The following SPTBN4 variants were observed in gnomAD, a reference collection of about 807,000 sequenced individuals.
The protein encoded by SPTBN4 is spectrin beta chain, non-erythrocytic 4.
Under a neutral mutation model 277.8 loss-of-function variants are expected in SPTBN4, and 96 were observed. The ratio of observed to expected loss-of-function variants is 0.35; its 90% confidence interval spans 0.29 to 0.41. The LOEUF is 0.41. SPTBN4 is among the 10% of genes least tolerant of loss of function. The pLI, the probability that SPTBN4 is intolerant of heterozygous loss-of-function variation, is 1.00. For synonymous variants in SPTBN4, 1,481 were observed against 1,580.3 expected (o/e 0.94, Z 1.49); for missense variants, 3,006 against 3,595.7 (o/e 0.84, Z 4.19).
chr19:40,512,147 AAG>A (rs2080398071), intron 13 of SPTBN4, among the ~76,000 whole-genome samples: 1 of 152,302 alleles, frequency 6.6e-6, no homozygotes, highest in Admixed American at 6.5e-5. Context: ...ACAAAAAACA[AAG>A]AAGTTTCATT....
At chr19:40,529,010 CT>C (rs2080628817) in intron 17 of SPTBN4, 30 bp from the exon 18 acceptor site, 1 of 1,598,440 alleles carries the variant, frequency 6.3e-7, no homozygotes, top group East Asian at 2.2e-5. Flanking sequence ...AACCCGGGGC[CT>C]TTCCCCAGCC....
At chr19:40,565,126 G>C (rs376769810) in intron 27 of SPTBN4, among the ~76,000 whole-genome samples, 1 of 151,726 alleles carries the variant, frequency 6.6e-6, no homozygotes, top group South Asian at 2.1e-4. Context: ...TTATCTGGGC[G>C]TGGTGGCAGG....
At chr19:40,536,002 T>A (rs2080731176) in intron 20 of SPTBN4, among the ~76,000 whole-genome samples, 1 of 152,094 alleles carries the variant, frequency 6.6e-6, no homozygotes, top group Admixed American at 6.6e-5. Flanking sequence ...ACCTACTATG[T>A]GCCCGGCACT....
intron 22 of SPTBN4, among the ~76,000 whole-genome samples, chr19:40,552,754 T>G (rs1343467923): frequency 1.3e-5 from 2 of 152,182 alleles, no homozygotes; most frequent in East Asian, 3.9e-4. Context: ...GAAAATACTC[T>G]TGGCTGTCAA....
intron 18 of SPTBN4, among the ~76,000 whole-genome samples, chr19:40,530,324 G>A (rs1320222458): frequency 2.0e-5 from 3 of 152,074 alleles, no homozygotes; most frequent in Non-Finnish European, 4.4e-5. Context: ...AATCATCTGA[G>A]ATGGCGCAGA....
chr19:40,532,813 A>G (rs2080693421), intron 19 of SPTBN4, 42 bp downstream of exon 19: 4 of 1,574,418 alleles, frequency 2.5e-6, no homozygotes, highest in Non-Finnish European at 3.5e-6. Flanking sequence ...CAGGTGCAGG[A>G]GGCCTCCAGG....
chr19:40,572,787 C>T (rs144444653), intron 35 of SPTBN4, among the ~76,000 whole-genome samples: 3,096 of 151,914 alleles, frequency 0.02, 49 homozygotes, highest in Non-Finnish European at 0.035. Context: ...GGTGAAACCC[C>T]GTCTCTACTA....
chr19:40,550,406 A>G, intron 22 of SPTBN4, 79 bp downstream of exon 22: 1 of 1,358,136 alleles, frequency 7.4e-7, no homozygotes, highest in Non-Finnish European at 1.0e-6. Context: ...GTTAAAGCCA[A>G]AACAATGAAT....
At chr19:40,503,131 G>A (rs1028614347) in intron 11 of SPTBN4, among the ~76,000 whole-genome samples, 198 bp downstream of exon 11, 3 of 152,126 alleles carry the variant, frequency 2.0e-5, no homozygotes, top group Non-Finnish European at 4.4e-5. Flanking sequence ...GATCTCCAGG[G>A]TAATGGGAGA....
At chr19:40,521,999 C>G (rs545645857) in intron 16 of SPTBN4, among the ~76,000 whole-genome samples, 1 of 152,108 alleles carries the variant, frequency 6.6e-6, no homozygotes, top group African/African-American at 2.4e-5. Flanking sequence ...GGGAAAAGAA[C>G]TTCCTTGAGT....
chr19:40,530,061 CCT>C (rs1231803780), intron 18 of SPTBN4, among the ~76,000 whole-genome samples: 1 of 152,098 alleles, frequency 6.6e-6, no homozygotes, highest in African/African-American at 2.4e-5. Context: ...GGAGGAACCC[CCT>C]GTTCCCCCTC....
At chr19:40,534,954 A>G (rs1315459383) in intron 20 of SPTBN4, 1 of 152,854 alleles carries the variant, frequency 6.5e-6, no homozygotes, top group Non-Finnish European at 1.5e-5. Context: ...ACAGCAGTTC[A>G]CGTGGAATGA....
intron 6 of SPTBN4, among the ~76,000 whole-genome samples, chr19:40,495,314 T>C (rs1280701667): frequency 6.6e-6 from 1 of 152,138 alleles, no homozygotes; most frequent in East Asian, 1.9e-4. Context: ...GTCACTGTCA[T>C]GCTGCTGTGT....
chr19:40,524,346 A>T (rs1403700586), intron 17 of SPTBN4, among the ~76,000 whole-genome samples: 2 of 138,026 alleles, frequency 1.4e-5, no homozygotes, highest in East Asian at 2.1e-4. Context: ...CTCTAAAATT[A>T]AAAAAAAAAA....
At chr19:40,569,282 C>T (rs911061831) in intron 31 of SPTBN4, among the ~76,000 whole-genome samples, 6 of 151,948 alleles carry the variant, frequency 3.9e-5, no homozygotes, top group South Asian at 2.1e-4. Context: ...AAAAATTAGC[C>T]GGCATGGTGG....
chr19:40,550,288 C>A lies in SPTBN4; in HGVS notation c.4635C>A (p.Asn1545Lys). Residue 1545 changes from asparagine (N) to lysine (K), a missense_variant, in exon 22 of 36, where the codon AAC becomes AAA. Asn to Lys is a moderately conservative substitution (Grantham distance 94, BLOSUM62 0). This residue lies in a region of SPTBN4 where 1,759 missense variants were observed against 2,061.5 expected (regional missense o/e 0.85). Transcript: ENST00000598249. ...TGGCCATGCAGACAGAGCGAGGCAA[C>A]GGTTTGCAGGCGGTCCAGCAGCACA... Reference protein sequence around the residue: ...LPLAMQTERGNGLQAVQQHIK... With the variant: ...LPLAMQTERGKGLQAVQQHIK... 1.9e-6 allele frequency: 3 copies of A among 1,612,362 alleles called. No individual in the cohort carries two copies. The highest frequency in any genetic ancestry group is 2.5e-6 in the Non-Finnish European group (3 of 1,180,000).
In SPTBN4 at chr19:40,502,850, C is replaced by A; in HGVS notation, c.1279C>A (p.Leu427Met). The change falls in exon 11 of 36, where the codon CTG becomes ATG. Residue 427 changes from leucine to methionine, a missense_variant. Leu to Met is a conservative substitution (Grantham distance 15, BLOSUM62 2). This residue lies in a region of SPTBN4 where 1,759 missense variants were observed against 2,061.5 expected (regional missense o/e 0.85). Coordinates refer to ENST00000598249, the MANE Select transcript of SPTBN4 (RefSeq NM_020971.3). This position sits in a 1 kb window ranked among gnomAD's most constrained non-coding sequence, Gnocchi z 4.9. ...GGCTGAGCTGATTCGGCAGGAGAAG[C>A]TGGAACTACTGGCACAGAGGTTTGA... The part of the protein sequence containing the change: ...LRAELIRQEK[L>M]ELLAQRFDHK... 6.2e-7 allele frequency: 1 copy of A among 1,613,904 alleles called. No individual in the cohort carries two copies. The highest frequency in any genetic ancestry group is 1.1e-5 in the South Asian group (1 of 91,090).
Position 40,565,457 on chromosome 19 carries a change from C to G in SPTBN4, c.5950C>G (p.His1984Asp). ...ATCAGTGGAGGTGCTCATGAACTAC[C>G]ACCAGGGCCTGAAGACTGAGCTGGA... Reference protein sequence around the residue: ...VSSVEVLMNYHQGLKTELEAR... With the variant: ...VSSVEVLMNYDQGLKTELEAR... The change falls in exon 28 of 36, where the codon CAC becomes GAC. Residue 1984 changes from histidine to aspartate, a missense_variant. This residue lies in a region of SPTBN4 where 425 missense variants were observed against 594.7 expected (regional missense o/e 0.71). Transcript: ENST00000598249. The G allele has an allele frequency of 6.2e-7, 1 of 1,614,056 alleles. No homozygotes were observed. The highest frequency in any genetic ancestry group is 8.5e-7 in the Non-Finnish European group (1 of 1,179,986).
At position 40,519,106 on chromosome 19, in the gene SPTBN4, C is replaced by T. The variant is rs1160729430; in HGVS notation, c.2904-295C>T. Among the ~76,000 whole-genome samples, 2 of 152,176 alleles carry T rather than the reference C, an allele frequency of 1.3e-5. No individual in the cohort carries two copies. Among genetic ancestry groups the T allele is most frequent in the East Asian group, 1.9e-4 (1 of 5,200 alleles). On this transcript the variant is annotated intron_variant, in intron 15 of 35. Transcript: ENST00000598249. This position sits in a 1 kb window ranked among gnomAD's most constrained non-coding sequence, Gnocchi z 5.7. The stretch of plus-strand genomic sequence containing the variant: ...TTCTGCTCTCAGTCTCTCCTGCCGC[C>T]TCTGGAAAACTCCACTGAACACTCG...
Sources: gnomAD v4.1 joint callset for allele counts (sites outside exome capture counted in the v4.1 genomes callset) on GRCh38, gnomAD v4.1.1 for gene constraint, gnomAD v4.1.1 regional missense constraint, Gnocchi (gnomAD v3.1) non-coding constraint, MANE v1.5 for transcripts, NCBI Gene and HGNC (gene_info 2026-07-23, HGNC 2026-07-21) for gene names.